SEMA4F: variants seen among roughly 807,000 people sequenced by gnomAD.
The protein encoded by SEMA4F is semaphorin-4F.
Under a neutral mutation model 78.4 loss-of-function variants are expected in SEMA4F, and 51 were observed. The ratio of observed to expected loss-of-function variants is 0.65; its 90% confidence interval spans 0.52 to 0.82. The LOEUF (loss-of-function observed/expected upper bound fraction) is 0.82. Among genes scored for constraint, SEMA4F ranks in the 40% least tolerant of loss-of-function variants. The probability of loss-of-function intolerance (pLI) is 0.00; values close to 1 mark genes in which losing one functional copy is unlikely to be tolerated. For missense variants in SEMA4F, 938 were observed against 1,014.4 expected (o/e 0.92, Z 1.02); for synonymous variants, 418 against 408.7 (o/e 1.02, Z -0.27).
the SEMA4F span, among the ~76,000 whole-genome samples, chr2:74,707,160 G>A: frequency 2.0e-5 from 3 of 152,202 alleles, no homozygotes; most frequent in African/African-American, 7.2e-5. Context: ...AAATTTGAAT[G>A]TAGGCTATAT....
intron 5 of SEMA4F, among the ~76,000 whole-genome samples, chr2:74,668,412 G>A (rs2104963821): frequency 6.6e-6 from 1 of 152,286 alleles, no homozygotes; most frequent in East Asian, 1.9e-4. Context: ...GAAAGGTAGA[G>A]TCAACACTGC....
At chr2:74,676,554 C>T (rs1354496915) in intron 12 of SEMA4F, among the ~76,000 whole-genome samples, 1 of 152,200 alleles carries the variant, frequency 6.6e-6, no homozygotes, top group Non-Finnish European at 1.5e-5. Flanking sequence ...TGCTCCTCCT[C>T]TGGTCTTCCT....
chr2:74,680,479 A>C lies in SEMA4F; in HGVS notation c.*270A>C. On this transcript the variant is annotated 3_prime_UTR_variant, in exon 14 of 14. Coordinates refer to ENST00000357877, the MANE Select transcript of SEMA4F (RefSeq NM_004263.5). ...AACATCTGAACTCCTGTAAACCTTC[A>C]TCCCTGGCCCCCTATCTTGGGCCCA... 5.6e-6 allele frequency: 2 copies of C among 359,156 alleles called. No homozygotes were observed. Among genetic ancestry groups the C allele is most frequent in the African/African-American group, 2.1e-5 (1 of 48,398 alleles). 22.2% of individuals were successfully genotyped at this position (359,156 alleles called of 1,614,324 possible).
the SEMA4F span, among the ~76,000 whole-genome samples, chr2:74,705,776 GGCTGGTCTTGAACT>G: frequency 0.28 from 43,142 of 151,874 alleles, 9,071 homozygotes; most frequent in East Asian, 0.82. Context: ...TTATTGTCCA[GGCTGGTCTTGAACT>G]GCTGGTCTCA....
chr2:74,665,058 C>CT lies in SEMA4F; in HGVS notation c.550+2240dup, dbSNP rs562761276. Among the ~76,000 whole-genome samples the CT allele has an allele frequency of 2.2e-3, 340 of 152,002 alleles. 2 individuals are homozygous for CT. The highest frequency in any genetic ancestry group is 6.8e-3 in the Middle Eastern group (2 of 294). On this transcript the variant is annotated intron_variant, in intron 5 of 13. Transcript: ENST00000357877. The stretch of plus-strand genomic sequence containing the variant: ...TACTGTTTTTTTCTTTCCTTGCTGA[C>CT]TTTTTTTGCCAACTTTATCATAAAA...
chr2:74,668,559 GAGAAGAAAAGGCAGTGGA>G (rs1684812771), intron 5 of SEMA4F, among the ~76,000 whole-genome samples: 1 of 150,930 alleles, frequency 6.6e-6, no homozygotes, highest in Admixed American at 6.6e-5. Flanking sequence ...ATCTGACTAT[GAGAAGAAAAGGCAGTGGA>G]AGAAGAAAGG....
At position 74,682,741 on chromosome 2, in the gene SEMA4F, G is replaced by C. The variant is rs1685688867; in HGVS notation, c.*2532G>C. On this transcript the variant is annotated 3_prime_UTR_variant, in exon 14 of 14. Transcript: ENST00000357877. ...GGAGGAAGGTGGGGAGATGTCAAAGGGGACTGGGCTTCCTGTGGGGAGTGG... is the reference window on the plus strand; with the variant it reads ...GGAGGAAGGTGGGGAGATGTCAAAGCGGACTGGGCTTCCTGTGGGGAGTGG... 1 of 152,282 alleles carries C rather than the reference G, an allele frequency of 6.6e-6. No individual in the cohort carries two copies. The highest frequency in any genetic ancestry group is 6.5e-5 in the Admixed American group (1 of 15,274). The allele number at this position is 152,282 out of a possible 1,614,324, so 9.4% of individuals were successfully genotyped here. A position where few individuals can be genotyped will look rare whatever the true frequency, so the allele number is the denominator to read the frequency against.
chr2:74,700,144 T>A, the SEMA4F span, among the ~76,000 whole-genome samples: 1 of 151,046 alleles, frequency 6.6e-6, no homozygotes, highest in African/African-American at 2.4e-5. Flanking sequence ...GAGGGAATTA[T>A]TCTTAAATAA....
At chr2:74,672,218 G>A (rs1471542780) in intron 5 of SEMA4F, among the ~76,000 whole-genome samples, 2 of 152,064 alleles carry the variant, frequency 1.3e-5, no homozygotes, top group African/African-American at 2.4e-5. Flanking sequence ...CAGCCTCTCT[G>A]CCCCCACATG....
rs1478171554 is a variant in SEMA4F, at chr2:74,667,875, A to ATT, written c.550+5051_550+5052dup. Among the ~76,000 whole-genome samples the ATT allele has an allele frequency of 3.9e-5, 6 of 152,252 alleles. No individual in the cohort carries two copies. In the East Asian group the frequency reaches 1.2e-3, roughly 29 times the overall value. On this transcript the variant is annotated intron_variant, in intron 5 of 13. Coordinates refer to ENST00000357877, the MANE Select transcript of SEMA4F (RefSeq NM_004263.5). ...AGCCCATGGCTTCTGTTTCCACTGCATTCTGATGGCTCCCAAATCTGCATC... is the reference window on the plus strand; with the variant it reads ...AGCCCATGGCTTCTGTTTCCACTGCATTTTCTGATGGCTCCCAAATCTGCATC...
the SEMA4F span, among the ~76,000 whole-genome samples, chr2:74,700,074 G>GAAGAACACC: frequency 6.6e-6 from 1 of 152,170 alleles, no homozygotes; most frequent in Admixed American, 6.5e-5. Flanking sequence ...CGGAGAATGG[G>GAAGAACACC]AAGAACACCA....
intron 1 of SEMA4F, chr2:74,655,293 G>A (rs979308301): frequency 2.5e-5 from 10 of 404,878 alleles, no homozygotes; most frequent in African/African-American, 2.1e-5. Flanking sequence ...TAGAGGAGGG[G>A]GATATGATCC....
In SEMA4F at chr2:74,657,858, A is replaced by G; in HGVS notation, c.363A>G (p.Glu121=). 6.2e-7 allele frequency: 1 copy of G among 1,614,090 alleles called. No individual in the cohort carries two copies. Among genetic ancestry groups the G allele is most frequent in the Non-Finnish European group, 8.5e-7 (1 of 1,179,916 alleles). Residue 121 remains glutamate, a synonymous_variant, in exon 4 of 14, where the codon GAA becomes GAG. Transcript: ENST00000357877. The part of the protein sequence containing the change: ...NCRKKGKKED[E]CHNFVQILAI... ...TAACCGTCTCTGACCCCCAGGACGA[A>G]TGTCACAATTTTGTCCAGATTCTCG...
intron 5 of SEMA4F, among the ~76,000 whole-genome samples, chr2:74,669,411 C>G (rs551474841): frequency 6.6e-6 from 1 of 152,108 alleles, no homozygotes; most frequent in South Asian, 2.1e-4. Context: ...CAGTGAAACC[C>G]TGTCTCTAAT....
At chr2:74,684,784 C>T (rs894988844), downstream of SEMA4F, among the ~76,000 whole-genome samples, 1 of 152,102 alleles carries the variant, frequency 6.6e-6, no homozygotes, top group South Asian at 2.1e-4. Flanking sequence ...GGCAAAATGA[C>T]GGAATCCTGT....
At chr2:74,654,662 C>T (rs1684024725) in intron 1 of SEMA4F, 141 bp downstream of exon 1, 2 of 685,592 alleles carry the variant, frequency 2.9e-6, no homozygotes, top group African/African-American at 1.9e-5. Flanking sequence ...CCGCCGGGAC[C>T]GGGGCGAGAT....
chr2:74,675,901 G>C lies in SEMA4F; in HGVS notation c.1635G>C (p.Glu545Asp). The change falls in exon 12 of 14, where the codon GAG becomes GAC. Residue 545 changes from glutamate (E) to aspartate (D), a missense_variant. By Grantham distance (45) the Glu-to-Asp change is conservative. Coordinates refer to ENST00000357877, the MANE Select transcript of SEMA4F (RefSeq NM_004263.5). ...RLDECVAHAG[E>D]HRGLVQDIES... ...ATGAGTGTGTGGCCCATGCCGGGGA[G>C]CACCGAGGGTGAGTGTAGCTGCCTG... 10 of 1,611,678 alleles carry C rather than the reference G, an allele frequency of 6.2e-6. No homozygotes were observed. Among genetic ancestry groups the C allele is most frequent in the South Asian group, 1.1e-5 (1 of 90,828 alleles).
chr2:74,689,167 G>A, the SEMA4F span, among the ~76,000 whole-genome samples: 3 of 152,154 alleles, frequency 2.0e-5, no homozygotes, highest in Non-Finnish European at 4.4e-5. Context: ...CAAAGCATTT[G>A]TACCACCTAA....
chr2:74,662,832 G>A lies in SEMA4F; in HGVS notation c.550+7G>A, dbSNP rs1365730157. 8 of 1,612,896 alleles carry A rather than the reference G, an allele frequency of 5.0e-6. No homozygotes were observed. The highest frequency in any genetic ancestry group is 6.8e-6 in the Non-Finnish European group (8 of 1,178,946). ...TCAGCAGCTGTAATGGCTGGTGAGT[G>A]GGGAGAGACAAGAACCTGTAACTTC... On this transcript the variant is annotated splice_region_variant and intron_variant, in intron 5 of 13. Transcript: ENST00000357877.
Sources: allele counts gnomAD v4.1 joint callset (sites outside exome capture counted in the v4.1 genomes callset), GRCh38; gene constraint gnomAD v4.1.1; transcripts MANE v1.5; gene names NCBI Gene and HGNC (gene_info 2026-07-23, HGNC 2026-07-21).